RARB: variants seen among roughly 807,000 people sequenced by gnomAD.
RARB encodes retinoic acid receptor beta.
In RARB, 17 loss-of-function variants were observed where a neutral mutation model predicts 51.9. The ratio of observed to expected loss-of-function variants is 0.33; its 90% CI spans 0.22 to 0.49. The LOEUF (loss-of-function observed/expected upper bound fraction) is 0.49. Among genes scored for constraint, RARB ranks in the 20% least tolerant of loss-of-function variants. The pLI, the probability that RARB is intolerant of heterozygous loss-of-function variation, is 0.99. For missense variants in RARB, 369 were observed against 550.8 expected (o/e 0.67, Z 3.30); for synonymous variants, 215 against 195.4 (o/e 1.10, Z -0.84).
At position 25,250,723 on chromosome 3, in the gene RARB, A is replaced by G. The variant is rs534183719; in HGVS notation, c.178+76148A>G. ...GTAGGGGCTGGGCTCTCAAAGTGGC[A>G]CCTTGCTATAGCTGCTTAGGACTTG... On this transcript the variant is annotated intron_variant, in intron 5 of 11. Transcript: ENST00000383772. 2.6e-4 allele frequency among the ~76,000 whole-genome samples: 40 copies of G among 152,232 alleles called. No individual in the cohort carries two copies. The South Asian group carries it at 7.9e-3, about 30-fold the overall frequency.
At chr3:25,271,098 G>GTA (rs1703247277) in intron 5 of RARB, among the ~76,000 whole-genome samples, 3 of 152,182 alleles carry the variant, frequency 2.0e-5, no homozygotes, top group Admixed American at 2.0e-4. Context: ...TAAGTCTCTT[G>GTA]TAACCTCTAA....
At chr3:25,025,923 T>C (rs905612323) in intron 2 of RARB, among the ~76,000 whole-genome samples, 4 of 152,142 alleles carry the variant, frequency 2.6e-5, no homozygotes, top group African/African-American at 9.7e-5. Flanking sequence ...CATTGCTATT[T>C]TTATGGCTTA....
chr3:25,009,898 C>G (rs1261796487), intron 2 of RARB, among the ~76,000 whole-genome samples: 1 of 152,026 alleles, frequency 6.6e-6, no homozygotes, highest in Non-Finnish European at 1.5e-5. Flanking sequence ...TTAACTGAAC[C>G]CGATTTGAAC....
Position 25,354,075 on chromosome 3 carries a change from T to A in RARB, c.179-107118T>A, listed in dbSNP as rs141466703. 6.3e-3 allele frequency among the ~76,000 whole-genome samples: 937 copies of A among 149,676 alleles called. 10 individuals are homozygous for A. Among genetic ancestry groups the A allele is most frequent in the African/African-American group, 0.022 (897 of 40,050 alleles). On this transcript the variant is annotated intron_variant, in intron 5 of 11. Transcript: ENST00000383772. ...CCAAAAATAGTTAAGGATACTTGATTGAAAGATTCTGGTCCACTTAGAGAA... is the reference window on the plus strand; with the variant it reads ...CCAAAAATAGTTAAGGATACTTGATAGAAAGATTCTGGTCCACTTAGAGAA...
intron 3 of RARB, among the ~76,000 whole-genome samples, chr3:25,105,993 A>T (rs1362110215): frequency 6.6e-6 from 1 of 152,180 alleles, no homozygotes; most frequent in Non-Finnish European, 1.5e-5. Flanking sequence ...CAGGAAAGCA[A>T]TTCAGATCAT....
intron 4 of RARB, among the ~76,000 whole-genome samples, chr3:25,154,063 C>T (rs1003567350): frequency 1.3e-5 from 2 of 152,202 alleles, no homozygotes; most frequent in East Asian, 1.9e-4. Context: ...TTATTATGCT[C>T]ATTCCAAATC....
intron 3 of RARB, among the ~76,000 whole-genome samples, chr3:25,098,069 G>A (rs755169925): frequency 2.2e-4 from 33 of 152,098 alleles, no homozygotes; most frequent in Non-Finnish European, 4.3e-4. Flanking sequence ...TGTACATGCA[G>A]AAAAATATAC....
At chr3:25,268,517 T>C (rs1184827945) in intron 5 of RARB, among the ~76,000 whole-genome samples, 1 of 152,182 alleles carries the variant, frequency 6.6e-6, no homozygotes, top group South Asian at 2.1e-4. Context: ...AGTTTAGCAT[T>C]TGATACATTC....
At chr3:25,250,244 C>T (rs73044294) in intron 5 of RARB, among the ~76,000 whole-genome samples, 15,736 of 152,152 alleles carry the variant, frequency 0.1, 1,011 homozygotes, top group South Asian at 0.26. Context: ...GGGTGATCCC[C>T]AGGCATGCTT....
At chr3:24,910,459 T>C (rs537718934) in intron 2 of RARB, among the ~76,000 whole-genome samples, 6 of 152,340 alleles carry the variant, frequency 3.9e-5, no homozygotes, top group Admixed American at 1.3e-4. Flanking sequence ...AGAGTAAATA[T>C]ATGAGCTTTG....
Position 25,417,216 on chromosome 3 carries a change from G to T in RARB, c.179-43977G>T, listed in dbSNP as rs184019776. Among the ~76,000 whole-genome samples, 481 of 145,592 alleles carry T rather than the reference G, an allele frequency of 3.3e-3. 4 individuals carry two copies. The highest frequency in any genetic ancestry group is 0.012 in the African/African-American group (465 of 39,898). On this transcript the variant is annotated intron_variant, in intron 5 of 11. Transcript: ENST00000383772. ...AACCAATTAAAAAAAAAAAAAAACT[G>T]CTGCCTGTCTCTGAATCTGAAGTGT...
chr3:25,408,579 C>CA (rs1707477181), intron 5 of RARB, among the ~76,000 whole-genome samples: 1 of 152,150 alleles, frequency 6.6e-6, no homozygotes, highest in Non-Finnish European at 1.5e-5. Context: ...GGCACCACTC[C>CA]ACACAGTGAC....
chr3:24,933,421 CAAG>C (rs1276366046), intron 2 of RARB, among the ~76,000 whole-genome samples: 10 of 152,140 alleles, frequency 6.6e-5, no homozygotes, highest in Admixed American at 5.2e-4. Context: ...TGTACCCTGA[CAAG>C]AAATTTTTCA....
chr3:25,056,605 A>G (rs554990707), intron 2 of RARB, among the ~76,000 whole-genome samples: 1 of 152,228 alleles, frequency 6.6e-6, no homozygotes, highest in East Asian at 1.9e-4. Context: ...TCCTCTTAGT[A>G]GCAGTTTCAT....
At chr3:24,863,407 A>G (rs1334187189) in intron 2 of RARB, among the ~76,000 whole-genome samples, 1 of 152,128 alleles carries the variant, frequency 6.6e-6, no homozygotes, top group Non-Finnish European at 1.5e-5. Flanking sequence ...TGGAGTCTCT[A>G]TCTCGGGAGG....
chr3:25,202,934 G>T (rs1013749626), intron 5 of RARB, among the ~76,000 whole-genome samples: 5 of 152,188 alleles, frequency 3.3e-5, no homozygotes, highest in Admixed American at 6.5e-5. Flanking sequence ...GGAGAGTTCT[G>T]TAGATGTCTA....
At chr3:25,235,493 C>A (rs1227391147) in intron 5 of RARB, among the ~76,000 whole-genome samples, 2 of 152,168 alleles carry the variant, frequency 1.3e-5, no homozygotes, top group African/African-American at 4.8e-5. Flanking sequence ...TTCAGAGTCT[C>A]AGCAAAGTTG....
At chr3:24,984,851 C>T (rs913010327) in intron 2 of RARB, among the ~76,000 whole-genome samples, 3 of 152,164 alleles carry the variant, frequency 2.0e-5, no homozygotes, top group Admixed American at 2.0e-4. Context: ...GTACACATAA[C>T]ATCTTTAGCT....
intron 5 of RARB, among the ~76,000 whole-genome samples, chr3:25,384,679 C>T (rs528266715): frequency 1.2e-3 from 181 of 152,254 alleles, no homozygotes; most frequent in African/African-American, 4.0e-3. Flanking sequence ...ACAAGCTCAC[C>T]GTGGCAGGAG....
Sources: allele counts gnomAD v4.1 joint callset (sites outside exome capture counted in the v4.1 genomes callset), GRCh38; gene constraint gnomAD v4.1.1; transcripts MANE v1.5; gene names NCBI Gene and HGNC (gene_info 2026-07-23, HGNC 2026-07-21).